FAT1: variants seen among roughly 807,000 people sequenced by gnomAD.
FAT1 encodes the protein FAT atypical cadherin 1.
A neutral mutation model predicts 329.8 loss-of-function variants in FAT1; 171 were observed. The ratio of observed to expected loss-of-function variants is 0.52; its 90% CI spans 0.46 to 0.59. The LOEUF is 0.59. Among genes scored for constraint, FAT1 ranks in the 20% least tolerant of loss-of-function variants. The probability of loss-of-function intolerance (pLI) is 0.00; values close to 1 mark genes in which losing one functional copy is unlikely to be tolerated. For missense variants in FAT1, 5,672 were observed against 5,774.4 expected (o/e 0.98, Z 0.57); for synonymous variants, 2,233 against 2,228.6 (o/e 1.00, Z -0.06).
chr4:186,687,737 A>G (rs1456963953), intron 2 of FAT1, among the ~76,000 whole-genome samples: 4 of 152,222 alleles, frequency 2.6e-5, no homozygotes, highest in Non-Finnish European at 5.9e-5. Context: ...AACTTCTATT[A>G]GTCTGTCTCT....
At chr4:186,613,415 C>T in intron 12 of FAT1, 73 bp from the exon 13 acceptor site, 1 of 1,155,856 alleles carries the variant, frequency 8.7e-7, no homozygotes, top group Non-Finnish European at 1.3e-6. Context: ...ATTTCCTCCC[C>T]TTTTGTCTTT....
chr4:186,724,988 A>AAAT (rs1039693754), upstream of FAT1, among the ~76,000 whole-genome samples: 3 of 152,156 alleles, frequency 2.0e-5, no homozygotes, highest in Non-Finnish European at 4.4e-5. The surrounding 1 kb of genome is among the most constrained non-coding windows in gnomAD (Gnocchi z 5.3). Context: ...TGACCGGAAA[A>AAAT]AATAATAATA....
At chr4:186,597,551 A>G (rs1172936533) in intron 24 of FAT1, 131 bp downstream of exon 24, 5 of 655,792 alleles carry the variant, frequency 7.6e-6, no homozygotes, top group Non-Finnish European at 1.4e-5. Context: ...TATAAATTAT[A>G]TAAGGGGCCA....
Position 186,620,448 on chromosome 4 carries a change from C to T in FAT1, c.6138G>A (p.Ala2046=), listed in dbSNP as rs34855146. 219 of 1,614,006 alleles carry T rather than the reference C, an allele frequency of 1.4e-4. No individual in the cohort carries two copies. The highest frequency in any genetic ancestry group is 5.8e-4 in the Admixed American group (35 of 60,030). Residue 2046 remains alanine, a synonymous_variant, in exon 10 of 27, where the codon GCG becomes GCA. Transcript: ENST00000441802. Reference sequence around the variant, plus strand: ...CTGTCACTTCTACAACCACATCAAACGCCTCCTGCTGCTCACGATCGAAGG... The same window carrying T: ...CTGTCACTTCTACAACCACATCAAATGCCTCCTGCTGCTCACGATCGAAGG... ...GTPFDREQQE[A]FDVVVEVTEE...
At chr4:186,694,568 GTAAC>G (rs1743940301) in intron 2 of FAT1, among the ~76,000 whole-genome samples, 2 of 152,122 alleles carry the variant, frequency 1.3e-5, no homozygotes, top group Non-Finnish European at 2.9e-5. Flanking sequence ...AAAGAGTCTG[GTAAC>G]TAACTAAATT....
At chr4:186,681,075 C>T (rs562463431) in intron 2 of FAT1, among the ~76,000 whole-genome samples, 2 of 152,268 alleles carry the variant, frequency 1.3e-5, no homozygotes, top group South Asian at 2.1e-4. Context: ...CGAATTATTT[C>T]GGAATTGGAG....
intron 2 of FAT1, among the ~76,000 whole-genome samples, chr4:186,683,104 A>G (rs893599734): frequency 5.9e-5 from 9 of 152,166 alleles, no homozygotes; most frequent in African/African-American, 1.9e-4. Flanking sequence ...CTTGTGTTTC[A>G]GGGCTATTAT....
At chr4:186,615,523 C>G (rs1234258311) in intron 11 of FAT1, among the ~76,000 whole-genome samples, 1 of 152,134 alleles carries the variant, frequency 6.6e-6, no homozygotes, top group African/African-American at 2.4e-5. Context: ...CTGGGCAGGT[C>G]TATTTCTTCA....
intron 14 of FAT1, among the ~76,000 whole-genome samples, chr4:186,610,313 A>G (rs1343379047): frequency 6.6e-6 from 1 of 152,058 alleles, no homozygotes; most frequent in Non-Finnish European, 1.5e-5. Context: ...CATCCCTTCC[A>G]TACCATAGCT....
chr4:186,589,415 A>G (rs1297369819), intron 26 of FAT1, among the ~76,000 whole-genome samples, 195 bp from the exon 27 acceptor site: 3 of 152,192 alleles, frequency 2.0e-5, no homozygotes, highest in Non-Finnish European at 4.4e-5. Context: ...CCTATGAACT[A>G]GGCTCTAGTT....
In FAT1 at chr4:186,708,038, T is replaced by C. The variant is rs774912464; in HGVS notation, c.1790A>G (p.Asp597Gly). ...QITTVSAIDA[D>G]ELQLVQYQIE... The stretch of plus-strand genomic sequence containing the variant: ...CTGATACTGTACCAACTGAAGTTCA[T>C]CTGCATCAATAGCAGAAACAGTGGT... Residue 597 changes from aspartate to glycine, a missense_variant, in exon 2 of 27, where the codon GAT becomes GGT. Physicochemically the swap from Asp to Gly is moderately conservative, Grantham distance 94. Transcript: ENST00000441802. The C allele has an allele frequency of 6.2e-7, 1 of 1,614,002 alleles. No homozygotes were observed. The highest frequency in any genetic ancestry group is 8.5e-7 in the Non-Finnish European group (1 of 1,179,894).
intron 1 of FAT1, among the ~76,000 whole-genome samples, chr4:186,713,803 T>G (rs1745082451): frequency 6.6e-6 from 1 of 152,010 alleles, no homozygotes; most frequent in African/African-American, 2.4e-5. Context: ...GTCTGTAGAT[T>G]TAGACTGACA....
intron 2 of FAT1, among the ~76,000 whole-genome samples, chr4:186,680,385 G>A (rs1743153934): frequency 6.6e-6 from 1 of 152,186 alleles, no homozygotes; most frequent in African/African-American, 2.4e-5. Context: ...CTATGACTGA[G>A]TTTATCATTG....
chr4:186,606,254 G>A (rs1475478451), intron 16 of FAT1, 41 bp from the exon 17 acceptor site: 1 of 1,606,230 alleles, frequency 6.2e-7, no homozygotes, highest in African/African-American at 1.3e-5. Context: ...ATTTTCACAA[G>A]GCCGACAGAG....
At position 186,613,156 on chromosome 4, in the gene FAT1, T is replaced by C. The variant is rs1188689483; in HGVS notation, c.9416A>G (p.Glu3139Gly). The part of the protein sequence containing the change: ...PYAITVFENT[E>G]PGTLLTRVQA... ...CACTCTTGTCAGCAGCGTTCCCGGCTCTGTGTTTTCAAACACGGTGATGGC... is the reference window on the plus strand; with the variant it reads ...CACTCTTGTCAGCAGCGTTCCCGGCCCTGTGTTTTCAAACACGGTGATGGC... The change falls in exon 13 of 27, where the codon GAG becomes GGG. Residue 3139 changes from glutamate to glycine, a missense_variant. Coordinates refer to ENST00000441802, the MANE Select transcript of FAT1 (RefSeq NM_005245.4). 6.2e-7 allele frequency: 1 copy of C among 1,613,508 alleles called. No individual in the cohort carries two copies. Among genetic ancestry groups the C allele is most frequent in the Admixed American group, 1.7e-5 (1 of 60,002 alleles).
chr4:186,709,871 T>C (rs1744873418), intron 1 of FAT1, 26 bp from the exon 2 acceptor site: 1 of 1,535,094 alleles, frequency 6.5e-7, no homozygotes, highest in Admixed American at 2.0e-5. Flanking sequence ...TCAGAATCGT[T>C]ACCTTGGGGA....
intron 2 of FAT1, among the ~76,000 whole-genome samples, chr4:186,670,243 T>C (rs1289655364): frequency 1.3e-5 from 2 of 152,132 alleles, no homozygotes; most frequent in African/African-American, 4.8e-5. Flanking sequence ...AACGCTACCC[T>C]CCTTTCTGAT....
Position 186,617,999 on chromosome 4 carries a change from T to C in FAT1, c.8587A>G (p.Asn2863Asp), listed in dbSNP as rs1417384338. Reference protein sequence around the residue: ...SVEVIESFAINMETGWITTLK... With the variant: ...SVEVIESFAIDMETGWITTLK... ...GTTGTAATCCAGCCTGTTTCCATGT[T>C]AATGGCAAAGGATTCAATGACTTCC... is the stretch of plus-strand genomic sequence containing the variant. The change falls in exon 10 of 27, where the codon AAC (asparagine) becomes GAC (aspartate). Residue 2863 changes from asparagine (N) to aspartate (D), a missense_variant. Physicochemically the swap from Asn to Asp is conservative, Grantham distance 23. Transcript: ENST00000441802. The C allele has an allele frequency of 6.2e-7, 1 of 1,613,944 alleles. No homozygotes were observed. The highest frequency in any genetic ancestry group is 1.3e-5 in the African/African-American group (1 of 74,942).
rs1200506258 is a variant in FAT1 at position 186,723,842 on chromosome 4, C to G, written c.-197G>C. The G allele has an allele frequency of 4.0e-5, 6 of 149,366 alleles. No individual in the cohort carries two copies. The highest frequency in any genetic ancestry group is 8.9e-5 in the Non-Finnish European group (6 of 67,356). 9.3% of individuals were successfully genotyped at this position (149,366 alleles called of 1,614,324 possible). ...CGCGCCCGGCCGCCCAGCTCGGCGC[C>G]GGCGCCTCACGCTCCCCGAGCGCAG... On this transcript the variant is annotated 5_prime_UTR_variant, in exon 1 of 27. Coordinates refer to ENST00000441802, the MANE Select transcript of FAT1 (RefSeq NM_005245.4).
Sources: allele counts gnomAD v4.1 joint callset (sites outside exome capture counted in the v4.1 genomes callset), GRCh38; gene constraint gnomAD v4.1.1; non-coding constraint Gnocchi (gnomAD v3.1); transcripts MANE v1.5; gene names NCBI Gene and HGNC (gene_info 2026-07-23, HGNC 2026-07-21).